Variants in CADM2 observed in about 807,000 individuals in gnomAD.
CADM2 encodes the protein cell adhesion molecule 2.
CADM2 carries 12 observed loss-of-function variants against 49.8 expected under a neutral mutation model. The ratio of observed to expected loss-of-function variants is 0.24; its 90% CI spans 0.15 to 0.39. The LOEUF (loss-of-function observed/expected upper bound fraction) is 0.39, where lower values mean the gene tolerates loss of function less well. CADM2 is among the 10% of genes least tolerant of loss of function. The probability of loss-of-function intolerance (pLI) is 1.00; values close to 1 mark genes in which losing one functional copy is unlikely to be tolerated. For missense variants in CADM2, 378 were observed against 492.3 expected, an observed-to-expected ratio of 0.77 and a Z score of 2.20; for synonymous variants, 214 against 175.4, an observed-to-expected ratio of 1.22 and a Z score of -1.74.
intron 1 of CADM2, among the ~76,000 whole-genome samples, chr3:85,685,963 G>A (rs771489810): frequency 3.3e-5 from 5 of 152,000 alleles, no homozygotes; most frequent in Non-Finnish European, 7.4e-5. Context: ...TGTAATAGTA[G>A]GCCTCTAAAC....
intron 3 of CADM2, among the ~76,000 whole-genome samples, chr3:85,826,474 A>G (rs900766025): frequency 6.6e-6 from 1 of 152,026 alleles, no homozygotes; most frequent in East Asian, 1.9e-4. Context: ...ATGAATTTTT[A>G]TCACTTTTTT....
intron 1 of CADM2, among the ~76,000 whole-genome samples, chr3:85,471,877 T>A (rs2038786054): frequency 6.6e-6 from 1 of 151,660 alleles, no homozygotes; most frequent in African/African-American, 2.4e-5. Context: ...TACCTATAAG[T>A]AGTTCTCAAT....
At chr3:85,343,243 T>C (rs1459289425) in intron 1 of CADM2, among the ~76,000 whole-genome samples, 2 of 152,164 alleles carry the variant, frequency 1.3e-5, no homozygotes, top group Admixed American at 6.5e-5. Context: ...TACATAATAA[T>C]TCATTTTATC....
At chr3:85,945,460 G>A (rs1340107540) in intron 7 of CADM2, among the ~76,000 whole-genome samples, 1 of 151,992 alleles carries the variant, frequency 6.6e-6, no homozygotes, top group African/African-American at 2.4e-5. Context: ...CCAAAGCCGG[G>A]CAGAGACATA....
intron 8 of CADM2, chr3:86,027,830 A>G (rs1169090744): frequency 6.6e-6 from 1 of 152,098 alleles, no homozygotes; most frequent in East Asian, 1.9e-4. Flanking sequence ...GAGAGCCTCC[A>G]TGAACTAAAT....
intron 1 of CADM2, among the ~76,000 whole-genome samples, chr3:85,398,735 T>C (rs886460555): frequency 2.6e-5 from 4 of 152,228 alleles, no homozygotes; most frequent in African/African-American, 9.6e-5. Flanking sequence ...GTGGTTTTGA[T>C]TTGCATTTCT....
chr3:85,391,510 A>G (rs2034516814), intron 1 of CADM2, among the ~76,000 whole-genome samples: 1 of 149,714 alleles, frequency 6.7e-6, no homozygotes, highest in African/African-American at 2.4e-5. Context: ...CTCTTCAGGC[A>G]AGGCAGAGAC....
At chr3:85,197,145 A>G (rs956328414) in intron 1 of CADM2, among the ~76,000 whole-genome samples, 2 of 151,868 alleles carry the variant, frequency 1.3e-5, no homozygotes, top group African/African-American at 4.8e-5. Flanking sequence ...AATCAAATGT[A>G]TTGTGCCTAT....
At chr3:85,109,509 T>C (rs2038372468) in intron 1 of CADM2, among the ~76,000 whole-genome samples, 1 of 151,928 alleles carries the variant, frequency 6.6e-6, no homozygotes, top group Non-Finnish European at 1.5e-5. Context: ...CATGAACTCA[T>C]TTAAATGGCT....
intron 1 of CADM2, among the ~76,000 whole-genome samples, chr3:85,111,754 T>G (rs1334142102): frequency 6.6e-6 from 1 of 151,862 alleles, no homozygotes; most frequent in Non-Finnish European, 1.5e-5. Context: ...TTAAAGAAAT[T>G]GGATTATTTG....
rs11713930 is a variant in CADM2 at position 85,802,048 on chromosome 3, C to T, written c.90C>T (p.Gly30=). 0.026 allele frequency: 42,093 copies of T among 1,600,622 alleles called. 663 individuals carry two copies. Among genetic ancestry groups the T allele is most frequent in the South Asian group, 0.031 (2,707 of 88,682 alleles). ...ACATTTTCTTTAATCCCCTTTTAGG[C>T]AGCCAAGGGCAGTTTCCACTAACAC... ...QAAASKNKVK[G]SQGQFPLTQN... The change falls in exon 3 of 10, where the codon GGC becomes GGT. Residue 30 remains glycine (G), a splice_region_variant and synonymous_variant. Transcript: ENST00000383699.
chr3:85,236,451 G>C (rs2042409582), intron 1 of CADM2, among the ~76,000 whole-genome samples: 1 of 151,914 alleles, frequency 6.6e-6, no homozygotes, highest in African/African-American at 2.4e-5. Context: ...AGTTATACTT[G>C]ATATGATTTC....
chr3:84,969,376 G>T (rs1259155189), intron 1 of CADM2, among the ~76,000 whole-genome samples: 2 of 151,788 alleles, frequency 1.3e-5, no homozygotes, highest in Non-Finnish European at 2.9e-5. Context: ...GCCCTCTATT[G>T]ATTATTTTAA....
At chr3:85,523,466 A>G (rs2061077319) in intron 1 of CADM2, among the ~76,000 whole-genome samples, 1 of 152,136 alleles carries the variant, frequency 6.6e-6, no homozygotes, top group South Asian at 2.1e-4. Context: ...GGGCTTAAGT[A>G]TATGTTAAAC....
At chr3:85,334,322 C>A (rs958287152) in intron 1 of CADM2, among the ~76,000 whole-genome samples, 1 of 151,456 alleles carries the variant, frequency 6.6e-6, no homozygotes, top group Non-Finnish European at 1.5e-5. Flanking sequence ...CTAATGATGT[C>A]TCAGGCTTAC....
chr3:86,012,526 A>G (rs1731654791), intron 8 of CADM2: 1 of 1,344,406 alleles, frequency 7.4e-7, no homozygotes, highest in African/African-American at 1.5e-5. Context: ...GGAGGCCGGG[A>G]GCGGAGGGCT....
chr3:85,385,321 C>A (rs1368744), intron 1 of CADM2, among the ~76,000 whole-genome samples: 117,925 of 152,058 alleles, frequency 0.78, 47,854 homozygotes, highest in East Asian at 0.95. Flanking sequence ...TTTTTCAAAA[C>A]AGAAAAAAAT....
At chr3:85,803,691 G>A (rs948581914) in intron 3 of CADM2, among the ~76,000 whole-genome samples, 14 of 152,018 alleles carry the variant, frequency 9.2e-5, no homozygotes, top group Non-Finnish European at 1.3e-4. Context: ...TTCTTCCTTA[G>A]GGTACTTAGA....
intron 3 of CADM2, among the ~76,000 whole-genome samples, chr3:85,848,846 C>T (rs1457496224): frequency 2.6e-5 from 4 of 152,120 alleles, no homozygotes; most frequent in African/African-American, 9.7e-5. Flanking sequence ...TGGTCTACTT[C>T]ATTTCATCAC....
Sources: gnomAD v4.1 joint callset for allele counts (sites outside exome capture counted in the v4.1 genomes callset) on GRCh38, gnomAD v4.1.1 for gene constraint, MANE v1.5 for transcripts, NCBI Gene and HGNC (gene_info 2026-07-23, HGNC 2026-07-21) for gene names.